Variants in GFRA1 observed in about 807,000 individuals in gnomAD.
The protein encoded by GFRA1 is GDNF family receptor alpha 1.
In GFRA1, 16 loss-of-function variants were observed where a neutral mutation model predicts 51.6. The ratio of observed to expected loss-of-function variants is 0.31; its 90% CI spans 0.21 to 0.47. The LOEUF (loss-of-function observed/expected upper bound fraction) is 0.47. Among genes scored for constraint, GFRA1 ranks in the 20% least tolerant of loss-of-function variants. The pLI is 1.00. For synonymous variants in GFRA1, 270 were observed against 241.3 expected (o/e 1.12, Z -1.10); for missense variants, 530 against 594.3 (o/e 0.89, Z 1.13).
chr10:116,141,311 G>A (rs1958553948), intron 5 of GFRA1, among the ~76,000 whole-genome samples: 1 of 152,190 alleles, frequency 6.6e-6, no homozygotes, highest in African/African-American at 2.4e-5. Context: ...CTTTAGATGT[G>A]ATGAGGCTGC....
At chr10:116,160,015 G>A (rs1171337678) in intron 5 of GFRA1, among the ~76,000 whole-genome samples, 1 of 152,124 alleles carries the variant, frequency 6.6e-6, no homozygotes, top group Non-Finnish European at 1.5e-5. Context: ...TCACTAACCA[G>A]TATATCAGGG....
chr10:116,128,854 TA>T (rs1957986359), intron 5 of GFRA1, among the ~76,000 whole-genome samples: 1 of 130,154 alleles, frequency 7.7e-6, no homozygotes, highest in South Asian at 2.5e-4. Context: ...AGAAAAGCAA[TA>T]TTTTTTTTAA....
chr10:116,219,865 A>G (rs1589883417), intron 4 of GFRA1, among the ~76,000 whole-genome samples: 1 of 152,234 alleles, frequency 6.6e-6, no homozygotes, highest in East Asian at 1.9e-4. Context: ...CATTTTAAAA[A>G]GTCTCCAAAC....
At position 116,272,038 on chromosome 10, in the gene GFRA1, C is replaced by G. The variant is rs1395628375; in HGVS notation, c.-9G>C. The G allele has an allele frequency of 4.5e-6, 7 of 1,553,924 alleles. No homozygotes were observed. ...AGGGTCGCCAGGAACATGGTGCCGG[C>G]GCGGGGCTGGTCCCCGCCCCCCCAA... On this transcript the variant is annotated 5_prime_UTR_variant, in exon 2 of 11. Transcript: ENST00000355422. This position sits in a 1 kb window ranked among gnomAD's most constrained non-coding sequence, Gnocchi z 4.4.
intron 5 of GFRA1, 110 bp from the exon 6 acceptor site, chr10:116,125,667 G>T (rs575497885): frequency 9.5e-6 from 8 of 839,928 alleles, no homozygotes; most frequent in Admixed American, 2.0e-5. Context: ...AGCGGCTCTA[G>T]AACTTAATGA....
At chr10:116,273,751 T>G (rs946034726), upstream of GFRA1, among the ~76,000 whole-genome samples, 2 of 152,066 alleles carry the variant, frequency 1.3e-5, no homozygotes, top group African/African-American at 2.4e-5. Flanking sequence ...CTCTTTCTTC[T>G]TAGGGCAATC....
At chr10:116,104,566 G>T (rs1194711612) in intron 6 of GFRA1, among the ~76,000 whole-genome samples, 1 of 152,214 alleles carries the variant, frequency 6.6e-6, no homozygotes, top group African/African-American at 2.4e-5. Flanking sequence ...CCTGCCTTGG[G>T]TATCTCTGCA....
chr10:116,176,957 G>A (rs1042287739), intron 5 of GFRA1, among the ~76,000 whole-genome samples: 2 of 152,188 alleles, frequency 1.3e-5, no homozygotes, highest in African/African-American at 4.8e-5. Flanking sequence ...AGCTGGTCTT[G>A]AAGAATGAAC....
At chr10:116,110,287 G>T (rs1957156800) in intron 6 of GFRA1, among the ~76,000 whole-genome samples, 1 of 152,086 alleles carries the variant, frequency 6.6e-6, no homozygotes. Flanking sequence ...CAGGCACTGG[G>T]CTATGGGCTT....
At chr10:116,179,097 T>C (rs894371743) in intron 5 of GFRA1, among the ~76,000 whole-genome samples, 1 of 152,142 alleles carries the variant, frequency 6.6e-6, no homozygotes, top group Non-Finnish European at 1.5e-5. Flanking sequence ...CAGCAACGTA[T>C]AGTCCAGACG....
At chr10:116,083,650 TG>T (rs1955957643) in intron 9 of GFRA1, among the ~76,000 whole-genome samples, 1 of 152,160 alleles carries the variant, frequency 6.6e-6, no homozygotes, top group Non-Finnish European at 1.5e-5. Flanking sequence ...AGTGGAGTCC[TG>T]GGTATTTGGT....
chr10:116,079,581 G>A (rs1324009549), intron 9 of GFRA1, among the ~76,000 whole-genome samples: 1 of 152,092 alleles, frequency 6.6e-6, no homozygotes, highest in East Asian at 1.9e-4. Flanking sequence ...TGGCAGTGCT[G>A]AAAGGACATT....
chr10:116,105,927 A>T (rs1956989735), intron 6 of GFRA1, among the ~76,000 whole-genome samples: 4 of 152,184 alleles, frequency 2.6e-5, no homozygotes, highest in African/African-American at 9.7e-5. Context: ...GGCAAAATGG[A>T]CTTTGCAGAT....
intron 5 of GFRA1, among the ~76,000 whole-genome samples, chr10:116,136,767 T>C (rs1410893349): frequency 6.6e-6 from 1 of 152,156 alleles, no homozygotes. Context: ...TTCTTTGGAA[T>C]CCCTGAGCAA....
intron 4 of GFRA1, among the ~76,000 whole-genome samples, chr10:116,253,775 G>A (rs1356006340): frequency 6.6e-6 from 1 of 152,126 alleles, no homozygotes; most frequent in East Asian, 1.9e-4. Context: ...GGTAGCTGAG[G>A]ATCCATCTTG....
chr10:116,113,174 C>T (rs1448571494), intron 6 of GFRA1, among the ~76,000 whole-genome samples: 1 of 123,820 alleles, frequency 8.1e-6, no homozygotes, highest in East Asian at 2.3e-4. Context: ...CAATGCCACA[C>T]TTCTCCCTAA....
chr10:116,237,194 C>A (rs1225302329), intron 4 of GFRA1, among the ~76,000 whole-genome samples: 1 of 152,204 alleles, frequency 6.6e-6, no homozygotes, highest in Admixed American at 6.5e-5. Flanking sequence ...GCAAGCTATA[C>A]AAACTGCTCT....
At chr10:116,180,970 A>G (rs1962159628) in intron 5 of GFRA1, among the ~76,000 whole-genome samples, 1 of 152,170 alleles carries the variant, frequency 6.6e-6, no homozygotes, top group East Asian at 1.9e-4. Context: ...CAGAAGCCCA[A>G]TCTTCTCCAT....
At chr10:116,173,033 T>C (rs1325419612) in intron 5 of GFRA1, among the ~76,000 whole-genome samples, 3 of 152,230 alleles carry the variant, frequency 2.0e-5, no homozygotes, top group South Asian at 2.1e-4. Context: ...GTAATCTGGA[T>C]ACAGAAATTC....
Sources: allele counts gnomAD v4.1 joint callset (sites outside exome capture counted in the v4.1 genomes callset), GRCh38; gene constraint gnomAD v4.1.1; non-coding constraint Gnocchi (gnomAD v3.1); transcripts MANE v1.5; gene names NCBI Gene and HGNC (gene_info 2026-07-23, HGNC 2026-07-21).